MEMO1: variants seen among roughly 807,000 people sequenced by gnomAD.
MEMO1 encodes protein MEMO1.
MEMO1 carries 6 observed loss-of-function variants against 45.2 expected under a neutral mutation model. The observed-to-expected ratio is 0.13, with a 90% CI of 0.07 to 0.26. The LOEUF (loss-of-function observed/expected upper bound fraction) is 0.26, where lower values mean the gene tolerates loss of function less well. Ranked by LOEUF, MEMO1 falls within the 10% of genes least tolerant of loss-of-function variation. The pLI is 1.00. For synonymous variants in MEMO1, 78 were observed against 124.3 expected (o/e 0.63, Z 2.48); for missense variants, 184 against 370.5 (o/e 0.50, Z 4.13).
Position 31,943,387 on chromosome 2 carries a change from T to C in MEMO1, c.62-4A>G, listed in dbSNP as rs776304638. On this transcript the variant is annotated splice_region_variant and splice_polypyrimidine_tract_variant and intron_variant, in intron 2 of 9. Transcript: ENST00000404530. ...AGCTGTGCATTCAGCTGCGGTCCTA[T>C]AAAAAGACAAAGACAAAATTAGAGT... 232 of 1,611,468 alleles carry C rather than the reference T, an allele frequency of 1.4e-4. 4 individuals carry two copies. The South Asian group carries it at 2.4e-3, about 17-fold the overall frequency.
At chr2:31,899,619 C>T (rs568185722) in intron 6 of MEMO1, among the ~76,000 whole-genome samples, 1 of 152,320 alleles carries the variant, frequency 6.6e-6, no homozygotes. Flanking sequence ...AGGACATATG[C>T]ATGGGCAAAG....
intron 7 of MEMO1, among the ~76,000 whole-genome samples, chr2:31,888,918 T>C (rs1454536669): frequency 6.6e-6 from 1 of 152,064 alleles, no homozygotes; most frequent in African/African-American, 2.4e-5. Context: ...TCTACCTTTA[T>C]TTCTCTAATG....
At chr2:31,992,201 G>T (rs1672026952) in intron 2 of MEMO1, among the ~76,000 whole-genome samples, 1 of 152,334 alleles carries the variant, frequency 6.6e-6, no homozygotes, top group Non-Finnish European at 1.5e-5. Flanking sequence ...CAGGGCTGAG[G>T]AAACAATTGG....
chr2:31,905,148 C>A (rs945176808), intron 6 of MEMO1, among the ~76,000 whole-genome samples: 15 of 152,022 alleles, frequency 9.9e-5, no homozygotes, highest in African/African-American at 3.6e-4. Context: ...GTGGGAGGAT[C>A]GCTTGAGCCT....
At chr2:31,879,357 A>G (rs1675019056) in intron 8 of MEMO1, among the ~76,000 whole-genome samples, 1 of 151,890 alleles carries the variant, frequency 6.6e-6, no homozygotes, top group Non-Finnish European at 1.5e-5. Context: ...CTCCTCTTCC[A>G]CTTAATGCTG....
intron 2 of MEMO1, among the ~76,000 whole-genome samples, chr2:31,989,024 T>G (rs1671616663): frequency 6.6e-6 from 1 of 151,990 alleles, no homozygotes; most frequent in Non-Finnish European, 1.5e-5. Context: ...CTGACCAACA[T>G]GGAGAAACCC....
intron 3 of MEMO1, among the ~76,000 whole-genome samples, chr2:31,934,578 TA>T (rs1216605757): frequency 6.6e-6 from 1 of 151,542 alleles, no homozygotes; most frequent in Non-Finnish European, 1.5e-5. Context: ...GCCTAAAGAC[TA>T]AAGGAAGAAC....
chr2:31,886,643 A>T (rs542733790), intron 7 of MEMO1, among the ~76,000 whole-genome samples: 1 of 152,294 alleles, frequency 6.6e-6, no homozygotes, highest in Non-Finnish European at 1.5e-5. Context: ...TTTTATTTTT[A>T]TAAGTTTTTG....
At chr2:31,918,212 GGGA>G (rs911729709) in intron 5 of MEMO1, among the ~76,000 whole-genome samples, 175 bp from the exon 6 acceptor site, 1 of 152,046 alleles carries the variant, frequency 6.6e-6, no homozygotes, top group African/African-American at 2.4e-5. Flanking sequence ...AAAGGAAGGA[GGGA>G]GAGTAAGGAG....
At chr2:31,988,322 G>A (rs570223799) in intron 2 of MEMO1, among the ~76,000 whole-genome samples, 4 of 151,912 alleles carry the variant, frequency 2.6e-5, no homozygotes, top group Non-Finnish European at 2.9e-5. Flanking sequence ...TGAGGCAGGC[G>A]GATCACTTGA....
chr2:31,949,297 G>A (rs1169066169), intron 2 of MEMO1, among the ~76,000 whole-genome samples: 2 of 152,028 alleles, frequency 1.3e-5, no homozygotes, highest in East Asian at 3.9e-4. Context: ...TATATTGAAG[G>A]GATACCTGCA....
intron 8 of MEMO1, among the ~76,000 whole-genome samples, chr2:31,875,945 C>G (rs1241172873): frequency 6.6e-6 from 1 of 152,150 alleles, no homozygotes; most frequent in Non-Finnish European, 1.5e-5. Context: ...CCTCGGCCCC[C>G]CAAACTGCTG....
intron 2 of MEMO1, among the ~76,000 whole-genome samples, chr2:32,001,372 A>G (rs1673298209): frequency 6.6e-6 from 1 of 152,088 alleles, no homozygotes; most frequent in African/African-American, 2.4e-5. Context: ...TCCAATTCAA[A>G]TGTTAGGACT....
chr2:31,911,947 T>C (rs1034558632), intron 6 of MEMO1, among the ~76,000 whole-genome samples: 11 of 152,064 alleles, frequency 7.2e-5, no homozygotes, highest in African/African-American at 2.4e-4. Flanking sequence ...CCCAGCCTAA[T>C]GCTGTTAATT....
chr2:32,005,485 T>C (rs1205400011), intron 2 of MEMO1, among the ~76,000 whole-genome samples: 3 of 152,134 alleles, frequency 2.0e-5, no homozygotes, highest in Admixed American at 2.0e-4. Flanking sequence ...TTGAGTTGAA[T>C]ACTCATTATG....
chr2:31,879,960 C>T (rs534444033), intron 8 of MEMO1, among the ~76,000 whole-genome samples: 2 of 152,242 alleles, frequency 1.3e-5, no homozygotes, highest in East Asian at 3.9e-4. Flanking sequence ...AATCATCCCA[C>T]ATCCCACCAC....
At chr2:31,887,186 T>A (rs1261147277) in intron 7 of MEMO1, among the ~76,000 whole-genome samples, 1 of 152,304 alleles carries the variant, frequency 6.6e-6, no homozygotes, top group South Asian at 2.1e-4. Context: ...GCTCCAGGGA[T>A]GTCTGTTTAA....
In MEMO1 at chr2:31,868,220, T is replaced by C; in HGVS notation, c.*141A>G. On this transcript the variant is annotated 3_prime_UTR_variant, in exon 10 of 10. Transcript: ENST00000404530. ...GAAATTAAGGAAGGACTACACCTAC[T>C]AGAAAAAAAGAGAAGAAAGTTCTAT... is the stretch of plus-strand genomic sequence containing the variant. 1 of 732,730 alleles carries C rather than the reference T, an allele frequency of 1.4e-6. No individual in the cohort carries two copies. Among genetic ancestry groups the C allele is most frequent in the Non-Finnish European group, 1.9e-6 (1 of 517,434 alleles). The allele number at this position is 732,730 out of a possible 1,614,324, so 45.4% of individuals were successfully genotyped here. A position where few individuals can be genotyped will look rare whatever the true frequency, so the allele number is the denominator to read the frequency against.
chr2:31,892,456 CA>C (rs1300993871), intron 6 of MEMO1, among the ~76,000 whole-genome samples: 2 of 151,972 alleles, frequency 1.3e-5, no homozygotes, highest in African/African-American at 4.8e-5. Context: ...AGAAGAGCAC[CA>C]ATTCAATTCT....
Sources: allele counts gnomAD v4.1 joint callset (sites outside exome capture counted in the v4.1 genomes callset), GRCh38; gene constraint gnomAD v4.1.1; transcripts MANE v1.5; gene names NCBI Gene and HGNC (gene_info 2026-07-23, HGNC 2026-07-21).